The following PAK5 variants were observed in gnomAD, a reference collection of about 807,000 sequenced individuals.
The protein encoded by PAK5 is serine/threonine-protein kinase PAK 5.
In PAK5, 16 loss-of-function variants were observed where a neutral mutation model predicts 65.9. That is an observed-to-expected ratio of 0.24 (90% CI 0.16 to 0.37). The LOEUF (loss-of-function observed/expected upper bound fraction) is 0.37, where lower values mean the gene tolerates loss of function less well. Among genes scored for constraint, PAK5 ranks in the 10% least tolerant of loss-of-function variants. PAK5 has a pLI of 1.00. For synonymous variants in PAK5, 371 were observed against 354.9 expected (o/e 1.05, Z -0.51); for missense variants, 785 against 903.9 (o/e 0.87, Z 1.69).
At chr20:9,766,303 A>ACTTGAATATATATATATTCTG (rs2048759075) in intron 1 of PAK5, among the ~76,000 whole-genome samples, 1 of 146,142 alleles carries the variant, frequency 6.8e-6, no homozygotes, top group Admixed American at 6.9e-5. Flanking sequence ...TATATATTCT[A>ACTTGAATATATATATATTCTG]CTTGAATATA....
intron 1 of PAK5, among the ~76,000 whole-genome samples, chr20:9,774,394 G>A (rs2048865510): frequency 6.6e-6 from 1 of 152,162 alleles, no homozygotes; most frequent in Non-Finnish European, 1.5e-5. Flanking sequence ...CCCTGGAGTT[G>A]GGGAGCCGCT....
intron 3 of PAK5, among the ~76,000 whole-genome samples, chr20:9,587,791 C>T (rs887918257): frequency 1.3e-5 from 2 of 152,042 alleles, no homozygotes; most frequent in Non-Finnish European, 2.9e-5. Flanking sequence ...CTTCTACAAT[C>T]AGGGTTACCT....
At chr20:9,835,599 C>T (rs1979085071) in intron 1 of PAK5, among the ~76,000 whole-genome samples, 1 of 152,084 alleles carries the variant, frequency 6.6e-6, no homozygotes, top group Non-Finnish European at 1.5e-5. Flanking sequence ...GGCAAGGAAC[C>T]AGGGGTCTTG....
intron 1 of PAK5, among the ~76,000 whole-genome samples, chr20:9,821,877 C>T (rs912966193): frequency 5.3e-5 from 8 of 152,280 alleles, no homozygotes; most frequent in Non-Finnish European, 1.0e-4. Flanking sequence ...CCAGCTTTCC[C>T]AAGTTTCAAG....
rs912079934 is a variant in PAK5, at chr20:9,538,882, TG to T, written c.*579del. The T allele has an allele frequency of 7.3e-5, 17 of 233,178 alleles. No homozygotes were observed. The highest frequency in any genetic ancestry group is 1.8e-4 in the South Asian group (1 of 5,524). The allele number at this position is 233,178 out of a possible 1,614,324, so 14.4% of individuals were successfully genotyped here. ...GTATTCAAAGTTCCTAAAGAATCAT[TG>T]GTTCTCTTAAAGGGATAAAAAAGTA... On this transcript the variant is annotated 3_prime_UTR_variant, in exon 10 of 10. Coordinates refer to ENST00000353224, the MANE Select transcript of PAK5 (RefSeq NM_177990.4).
chr20:9,736,498 T>G (rs2048390787), intron 1 of PAK5, among the ~76,000 whole-genome samples: 1 of 152,178 alleles, frequency 6.6e-6, no homozygotes, highest in Admixed American at 6.5e-5. Context: ...AAATAATAGT[T>G]CATGAACTAA....
chr20:9,734,930 T>C (rs1050325291), intron 1 of PAK5, among the ~76,000 whole-genome samples: 1 of 152,184 alleles, frequency 6.6e-6, no homozygotes, highest in Non-Finnish European at 1.5e-5. Flanking sequence ...TCAGAAGTGG[T>C]GAATGAACTG....
At chr20:9,542,551 T>G (rs1260313102) in intron 9 of PAK5, 35 bp downstream of exon 9, 1 of 1,612,566 alleles carries the variant, frequency 6.2e-7, no homozygotes, top group South Asian at 1.1e-5. Flanking sequence ...ATCCAAAAAC[T>G]ATTCTGAACT....
chr20:9,742,841 T>C (rs1463251148), intron 1 of PAK5, among the ~76,000 whole-genome samples: 1 of 152,236 alleles, frequency 6.6e-6, no homozygotes, highest in Non-Finnish European at 1.5e-5. Flanking sequence ...TCACTTGTTC[T>C]TTCCCTCCTT....
At chr20:9,638,838 C>G (rs1009221013) in intron 3 of PAK5, among the ~76,000 whole-genome samples, 1 of 152,086 alleles carries the variant, frequency 6.6e-6, no homozygotes, top group Non-Finnish European at 1.5e-5. Context: ...GATTTCCACT[C>G]GGAACTAGCT....
intron 1 of PAK5, among the ~76,000 whole-genome samples, chr20:9,827,770 A>T (rs1268889041): frequency 6.6e-6 from 1 of 152,080 alleles, no homozygotes; most frequent in African/African-American, 2.4e-5. Context: ...TGCAAAGGGG[A>T]GTGGCAGTGG....
chr20:9,670,721 G>T (rs2047484967), intron 2 of PAK5, among the ~76,000 whole-genome samples: 1 of 152,138 alleles, frequency 6.6e-6, no homozygotes, highest in Non-Finnish European at 1.5e-5. Context: ...CATTCTGTAG[G>T]TTGCCTGTTC....
At chr20:9,587,177 G>T (rs1040829592) in intron 3 of PAK5, among the ~76,000 whole-genome samples, 1 of 152,116 alleles carries the variant, frequency 6.6e-6, no homozygotes, top group African/African-American at 2.4e-5. Context: ...TTTAAATTAG[G>T]TTGATAATAA....
At chr20:9,723,775 G>A (rs722481) in intron 1 of PAK5, among the ~76,000 whole-genome samples, 92,825 of 151,936 alleles carry the variant, frequency 0.61, 29,524 homozygotes, top group South Asian at 0.83. Flanking sequence ...AGAAGTATGT[G>A]CAAATCCAGC....
intron 3 of PAK5, among the ~76,000 whole-genome samples, chr20:9,643,266 G>A (rs1018806289): frequency 6.6e-6 from 1 of 152,176 alleles, no homozygotes. Context: ...AAGTTTCCAT[G>A]ATGTTTAACT....
chr20:9,813,229 T>C (rs1042741314), intron 1 of PAK5, among the ~76,000 whole-genome samples: 3 of 151,884 alleles, frequency 2.0e-5, no homozygotes, highest in Admixed American at 1.3e-4. Flanking sequence ...GGGTAGGAGA[T>C]ATAGGAGCTA....
At chr20:9,581,718 A>G (rs2045983527) in intron 3 of PAK5, among the ~76,000 whole-genome samples, 1 of 152,192 alleles carries the variant, frequency 6.6e-6, no homozygotes, top group Non-Finnish European at 1.5e-5. Context: ...AAATAACACA[A>G]GAATACCAGG....
intron 2 of PAK5, among the ~76,000 whole-genome samples, chr20:9,660,132 C>T (rs1441071229): frequency 2.0e-5 from 3 of 152,016 alleles, no homozygotes; most frequent in East Asian, 1.9e-4. Flanking sequence ...CAGCCTGCCA[C>T]CTGAGGCTCT....
At chr20:9,693,423 T>C (rs1187182141) in intron 2 of PAK5, among the ~76,000 whole-genome samples, 1 of 151,960 alleles carries the variant, frequency 6.6e-6, no homozygotes, top group Non-Finnish European at 1.5e-5. Flanking sequence ...TCTTCATCTC[T>C]CGTTTACCTG....
Sources: gnomAD v4.1 joint callset for allele counts (sites outside exome capture counted in the v4.1 genomes callset) on GRCh38, gnomAD v4.1.1 for gene constraint, MANE v1.5 for transcripts, NCBI Gene and HGNC (gene_info 2026-07-23, HGNC 2026-07-21) for gene names.